The following STARD13 variants were observed in gnomAD, a reference collection of about 807,000 sequenced individuals.
STARD13 encodes StAR related lipid transfer domain containing 13.
STARD13 carries 62 observed loss-of-function variants against 106.4 expected under a neutral mutation model. The ratio of observed to expected loss-of-function variants is 0.58; its 90% CI spans 0.48 to 0.72. The LOEUF is 0.72. Ranked by LOEUF, STARD13 falls within the 30% of genes least tolerant of loss-of-function variation. The probability of loss-of-function intolerance (pLI) is 0.00; values close to 1 mark genes in which losing one functional copy is unlikely to be tolerated. For synonymous variants in STARD13, 565 were observed against 553.0 expected, an observed-to-expected ratio of 1.02 and a Z score of -0.31; for missense variants, 1,387 against 1,424.0, an observed-to-expected ratio of 0.97 and a Z score of 0.42.
At chr13:33,209,688 C>T (rs1887612186) in intron 1 of STARD13, among the ~76,000 whole-genome samples, 1 of 152,042 alleles carries the variant, frequency 6.6e-6, no homozygotes, top group South Asian at 2.1e-4. Context: ...AAGCGGAGTC[C>T]AAGACAAGCT....
At chr13:33,541,148 G>A in the STARD13 span, among the ~76,000 whole-genome samples, 1 of 152,008 alleles carries the variant, frequency 6.6e-6, no homozygotes, top group South Asian at 2.1e-4. Flanking sequence ...GGTTATATAC[G>A]ATGTAGAGAA....
rs564393906 is a variant in STARD13 at position 33,134,964 on chromosome 13, A to G, written c.388-4675T>C. On this transcript the variant is annotated intron_variant, in intron 4 of 13. Coordinates refer to ENST00000336934, the MANE Select transcript of STARD13 (RefSeq NM_178006.4). The stretch of plus-strand genomic sequence containing the variant: ...ATATGGCTACTGAACAAAGACACCA[A>G]CCTTAGGATGCATGACCAGAGCATA... 2.4e-3 allele frequency among the ~76,000 whole-genome samples: 359 copies of G among 152,344 alleles called. 2 individuals carry two copies. Among genetic ancestry groups the G allele is most frequent in the African/African-American group, 8.1e-3 (335 of 41,570 alleles).
At chr13:33,361,294 A>T in the STARD13 span, among the ~76,000 whole-genome samples, 1 of 148,028 alleles carries the variant, frequency 6.8e-6, no homozygotes, top group East Asian at 2.0e-4. Context: ...ATGAATAGTG[A>T]ATATATCTTC....
At chr13:33,405,532 A>C in the STARD13 span, among the ~76,000 whole-genome samples, 2 of 152,212 alleles carry the variant, frequency 1.3e-5, no homozygotes, top group African/African-American at 4.8e-5. Flanking sequence ...TGTAGTTTCC[A>C]CTTCAGGGAA....
chr13:33,379,593 A>G, the STARD13 span, among the ~76,000 whole-genome samples: 1 of 152,248 alleles, frequency 6.6e-6, no homozygotes, highest in African/African-American at 2.4e-5. Flanking sequence ...GACACTTTGT[A>G]TAATTAAAAT....
chr13:33,411,615 A>G, the STARD13 span, among the ~76,000 whole-genome samples: 1,574 of 152,256 alleles, frequency 0.01, 28 homozygotes, highest in African/African-American at 0.035. Flanking sequence ...CATAGAAAGA[A>G]GTAGGTTTAT....
At chr13:33,544,070 T>C in the STARD13 span, among the ~76,000 whole-genome samples, 1 of 152,232 alleles carries the variant, frequency 6.6e-6, no homozygotes, top group African/African-American at 2.4e-5. Flanking sequence ...TAATACCAAG[T>C]ATACTAAATA....
At chr13:33,500,805 T>C in the STARD13 span, among the ~76,000 whole-genome samples, 1,788 of 152,228 alleles carry the variant, frequency 0.012, 23 homozygotes, top group Non-Finnish European at 0.015. Context: ...AGCAGTGAGA[T>C]AGAAAATTCT....
At chr13:33,440,399 C>T in the STARD13 span, among the ~76,000 whole-genome samples, 1 of 152,064 alleles carries the variant, frequency 6.6e-6, no homozygotes, top group African/African-American at 2.4e-5. Flanking sequence ...GTGCTAAAGC[C>T]AGGCCCTGCG....
the STARD13 span, among the ~76,000 whole-genome samples, chr13:33,521,015 A>G: frequency 6.6e-6 from 1 of 152,154 alleles, no homozygotes; most frequent in East Asian, 1.9e-4. Flanking sequence ...GAAAGGATAG[A>G]TAAGCATTAC....
the STARD13 span, among the ~76,000 whole-genome samples, chr13:33,654,121 A>G: frequency 6.6e-6 from 1 of 152,348 alleles, no homozygotes; most frequent in African/African-American, 2.4e-5. Context: ...AAGTTCCTCA[A>G]AAAGTTAAAC....
intron 3 of STARD13, among the ~76,000 whole-genome samples, chr13:33,157,097 C>T (rs17078646): frequency 0.023 from 3,433 of 152,116 alleles, 120 homozygotes; most frequent in African/African-American, 0.077. Flanking sequence ...ATTCAACATA[C>T]TCGAATCAAG....
chr13:33,119,607 T>C (rs1200227207), intron 7 of STARD13, among the ~76,000 whole-genome samples: 2 of 152,216 alleles, frequency 1.3e-5, no homozygotes, highest in African/African-American at 4.8e-5. Context: ...CAGGTTTTTG[T>C]ATATGTCAGC....
intron 1 of STARD13, among the ~76,000 whole-genome samples, chr13:33,220,056 G>T (rs983821551): frequency 2.0e-5 from 3 of 152,104 alleles, no homozygotes; most frequent in Admixed American, 1.3e-4. Flanking sequence ...GTCTTTTCCT[G>T]GATTAAAAAC....
At chr13:33,466,714 T>C in the STARD13 span, among the ~76,000 whole-genome samples, 1 of 152,164 alleles carries the variant, frequency 6.6e-6, no homozygotes, top group South Asian at 2.1e-4. Flanking sequence ...ACAGTAAATA[T>C]AGACTAAACC....
At chr13:33,546,311 C>G in the STARD13 span, among the ~76,000 whole-genome samples, 1 of 152,194 alleles carries the variant, frequency 6.6e-6, no homozygotes, top group African/African-American at 2.4e-5. Flanking sequence ...TAAGTTGATT[C>G]AGCTGTTAAA....
At chr13:33,433,726 T>C in the STARD13 span, among the ~76,000 whole-genome samples, 1 of 152,176 alleles carries the variant, frequency 6.6e-6, no homozygotes, top group African/African-American at 2.4e-5. Flanking sequence ...ATAAAAATAA[T>C]GCTTCCTTGA....
At chr13:33,570,561 A>G in the STARD13 span, among the ~76,000 whole-genome samples, 1 of 147,934 alleles carries the variant, frequency 6.8e-6, no homozygotes, top group East Asian at 2.0e-4. Flanking sequence ...ACAACTCACT[A>G]CTAGGTGGAT....
chr13:33,206,982 C>G (rs918010371), intron 1 of STARD13, among the ~76,000 whole-genome samples: 1 of 152,130 alleles, frequency 6.6e-6, no homozygotes, highest in South Asian at 2.1e-4. Context: ...TCACAGATGA[C>G]AGCAGATCAA....
Sources: gnomAD v4.1 joint callset for allele counts (sites outside exome capture counted in the v4.1 genomes callset) on GRCh38, gnomAD v4.1.1 for gene constraint, MANE v1.5 for transcripts, NCBI Gene and HGNC (gene_info 2026-07-23, HGNC 2026-07-21) for gene names.